Variants in ZBTB20 observed in about 807,000 individuals in gnomAD.
The protein encoded by ZBTB20 is zinc finger and BTB domain containing 20.
ZBTB20 carries 9 observed loss-of-function variants against 56.9 expected under a neutral mutation model. That is an observed-to-expected ratio of 0.16 (90% CI 0.10 to 0.28). The LOEUF is 0.28. ZBTB20 is among the 10% of genes least tolerant of loss of function. The pLI is 1.00. For synonymous variants in ZBTB20, 417 were observed against 420.7 expected (o/e 0.99, Z 0.11); for missense variants, 655 against 1,003.0 (o/e 0.65, Z 4.69).
At chr3:114,433,848 G>T (rs117385190) in intron 7 of ZBTB20, among the ~76,000 whole-genome samples, 1 of 152,252 alleles carries the variant, frequency 6.6e-6, no homozygotes, top group East Asian at 1.9e-4. Flanking sequence ...ATACTGAAAT[G>T]ACTCAATGCA....
intron 6 of ZBTB20, among the ~76,000 whole-genome samples, chr3:114,565,508 CT>C (rs1337707323): frequency 6.6e-6 from 1 of 152,178 alleles, no homozygotes; most frequent in Non-Finnish European, 1.5e-5. Context: ...TCTTCATTAG[CT>C]TTTTCTCCCC....
At chr3:114,781,768 C>T (rs1021597724) in intron 5 of ZBTB20, among the ~76,000 whole-genome samples, 1 of 152,074 alleles carries the variant, frequency 6.6e-6, no homozygotes, top group East Asian at 1.9e-4. Flanking sequence ...GGCGGTTTCC[C>T]CCATACTGTT....
chr3:114,471,750 A>C (rs2040153350), intron 7 of ZBTB20, among the ~76,000 whole-genome samples: 1 of 152,248 alleles, frequency 6.6e-6, no homozygotes, highest in Non-Finnish European at 1.5e-5. Flanking sequence ...ACTCAAAAAA[A>C]CATCTCGCTT....
chr3:114,488,833 T>A (rs1240746982), intron 7 of ZBTB20, among the ~76,000 whole-genome samples: 1 of 152,176 alleles, frequency 6.6e-6, no homozygotes, highest in Non-Finnish European at 1.5e-5. Context: ...CATCAATAAG[T>A]GATTGAGTCA....
chr3:114,928,334 A>C (rs1279451501), intron 3 of ZBTB20, among the ~76,000 whole-genome samples: 1 of 151,722 alleles, frequency 6.6e-6, no homozygotes, highest in African/African-American at 2.4e-5. Context: ...GAGAACCTCA[A>C]GGTTCTTCAA....
chr3:115,103,228 G>C (rs937247743), intron 1 of ZBTB20, among the ~76,000 whole-genome samples: 4 of 152,062 alleles, frequency 2.6e-5, no homozygotes, highest in Non-Finnish European at 1.5e-5. Context: ...GGGGCAATTT[G>C]GTTCTGTAGA....
At chr3:114,569,476 A>C (rs897499547) in intron 6 of ZBTB20, among the ~76,000 whole-genome samples, 1 of 152,222 alleles carries the variant, frequency 6.6e-6, no homozygotes, top group African/African-American at 2.4e-5. Context: ...TGGGATCAGA[A>C]ACTCTCCATG....
At chr3:114,647,579 A>G (rs1157145810) in intron 6 of ZBTB20, among the ~76,000 whole-genome samples, 1 of 152,234 alleles carries the variant, frequency 6.6e-6, no homozygotes, top group Non-Finnish European at 1.5e-5. Flanking sequence ...TCAGCCATCA[A>G]TTTAAAATCA....
rs544571323 is a variant in ZBTB20, at chr3:115,012,504, T to C, written c.-506-38088A>G. Reference sequence around the variant, plus strand: ...CACCACATAATGATAAAGGGGTTGATTGAGCACAAGGATATAACAATTGTA... The same window carrying C: ...CACCACATAATGATAAAGGGGTTGACTGAGCACAAGGATATAACAATTGTA... On this transcript the variant is annotated intron_variant, in intron 2 of 11. Coordinates refer to ENST00000675478, the MANE Select transcript of ZBTB20 (RefSeq NM_001348800.3). 5.3e-5 allele frequency among the ~76,000 whole-genome samples: 8 copies of C among 151,844 alleles called. No homozygotes were observed. The East Asian group carries it at 1.6e-3, about 30-fold the overall frequency.
chr3:114,462,083 A>G (rs989405406), intron 7 of ZBTB20, among the ~76,000 whole-genome samples: 8 of 152,238 alleles, frequency 5.3e-5, no homozygotes, highest in African/African-American at 1.9e-4. Flanking sequence ...TGTAGAAGTT[A>G]ACAAGATCAT....
chr3:114,541,636 A>C (rs2684292), intron 6 of ZBTB20, among the ~76,000 whole-genome samples: 39,049 of 152,054 alleles, frequency 0.26, 5,498 homozygotes, highest in African/African-American at 0.39. Context: ...TAAACAAACC[A>C]AACAACCTGT....
chr3:114,793,123 A>C (rs1219650361), intron 5 of ZBTB20, among the ~76,000 whole-genome samples: 2 of 151,702 alleles, frequency 1.3e-5, no homozygotes, highest in African/African-American at 2.4e-5. Context: ...CAAGTGATCC[A>C]TACGCCTCAG....
At chr3:114,765,527 T>C (rs1380552529) in intron 5 of ZBTB20, among the ~76,000 whole-genome samples, 1 of 152,156 alleles carries the variant, frequency 6.6e-6, no homozygotes, top group Non-Finnish European at 1.5e-5. Flanking sequence ...ACAACCCTCA[T>C]AAGGAACCAT....
intron 5 of ZBTB20, among the ~76,000 whole-genome samples, chr3:114,717,797 A>G (rs2064597387): frequency 6.7e-6 from 1 of 150,232 alleles, no homozygotes; most frequent in Non-Finnish European, 1.5e-5. Flanking sequence ...GCCAAATGCA[A>G]TGGTCACATT....
chr3:115,110,642 T>G (rs1363122897), intron 1 of ZBTB20, among the ~76,000 whole-genome samples: 2 of 152,238 alleles, frequency 1.3e-5, no homozygotes, highest in Non-Finnish European at 1.5e-5. Context: ...AATTGTCATT[T>G]ACTTAATTTT....
intron 6 of ZBTB20, among the ~76,000 whole-genome samples, chr3:114,663,931 T>A (rs960705708): frequency 1.3e-5 from 2 of 151,486 alleles, no homozygotes; most frequent in Admixed American, 1.3e-4. Flanking sequence ...CTCCCACACA[T>A]TAATAATGGG....
At chr3:114,897,210 A>C (rs2074919771) in intron 4 of ZBTB20, among the ~76,000 whole-genome samples, 1 of 152,162 alleles carries the variant, frequency 6.6e-6, no homozygotes, top group Non-Finnish European at 1.5e-5. Flanking sequence ...GACCATACTA[A>C]TAATAAGTGG....
chr3:114,572,132 A>T (rs1302402973), intron 6 of ZBTB20, among the ~76,000 whole-genome samples: 1 of 152,208 alleles, frequency 6.6e-6, no homozygotes, highest in African/African-American at 2.4e-5. Flanking sequence ...ATTCAGAGAG[A>T]CTTAGTAACT....
chr3:115,112,430 A>G (rs2083905245), intron 1 of ZBTB20, among the ~76,000 whole-genome samples: 2 of 152,080 alleles, frequency 1.3e-5, no homozygotes, highest in South Asian at 4.1e-4. Context: ...GTTTGTACCC[A>G]TTAACCAACC....
Sources: gnomAD v4.1 joint callset for allele counts (sites outside exome capture counted in the v4.1 genomes callset) on GRCh38, gnomAD v4.1.1 for gene constraint, MANE v1.5 for transcripts, NCBI Gene and HGNC (gene_info 2026-07-23, HGNC 2026-07-21) for gene names.